The following FUS variants were observed in gnomAD, a reference collection of about 807,000 sequenced individuals.
FUS encodes the protein RNA-binding protein FUS.
Under a neutral mutation model 82.7 loss-of-function variants are expected in FUS, and 5 were observed. That is an observed-to-expected ratio of 0.06 (90% confidence interval 0.03 to 0.13). FUS has a LOEUF of 0.13. Ranked by LOEUF, FUS falls within the 10% of genes least tolerant of loss-of-function variation. The probability of loss-of-function intolerance (pLI) is 1.00; values close to 1 mark genes in which losing one functional copy is unlikely to be tolerated. For synonymous variants in FUS, 281 were observed against 247.4 expected (o/e 1.14, Z -1.27); for missense variants, 512 against 707.8 (o/e 0.72, Z 3.14).
At chr16:31,193,261 C>T (rs1363577435), downstream of FUS, 7 of 508,806 alleles carry the variant, frequency 1.4e-5, no homozygotes, top group Non-Finnish European at 7.7e-6. Context: ...CATTGGGGTG[C>T]TCTCTAAGCA....
At chr16:31,192,995 C>T (rs1326024845), downstream of FUS, 1 of 483,196 alleles carries the variant, frequency 2.1e-6, no homozygotes, top group Non-Finnish European at 4.1e-6. Flanking sequence ...GAGTTTTGCT[C>T]TTGTTGCCCA....
intron 5 of FUS, 91 bp from the exon 6 acceptor site, chr16:31,184,848 G>A: frequency 7.7e-7 from 1 of 1,304,378 alleles, no homozygotes; most frequent in Non-Finnish European, 1.1e-6. Context: ...GTCCTTCATT[G>A]CCTGGCACTT....
chr16:31,182,801 C>T (rs544082456), intron 3 of FUS, 137 bp downstream of exon 3: 37 of 1,069,556 alleles, frequency 3.5e-5, no homozygotes, highest in Non-Finnish European at 5.1e-5. Flanking sequence ...ACTGCAACAT[C>T]AGCCTACCGG....
At chr16:31,181,000 C>T (rs143668562) in intron 1 of FUS, among the ~76,000 whole-genome samples, 257 of 152,212 alleles carry the variant, frequency 1.7e-3, no homozygotes, top group African/African-American at 6.0e-3. Flanking sequence ...GCAACGTCCA[C>T]CTCCTGGGTT....
intron 7 of FUS, chr16:31,187,071 A>C (rs1289962098): frequency 3.4e-6 from 2 of 593,834 alleles, no homozygotes; most frequent in African/African-American, 1.9e-5. Context: ...CCAGGTTAAT[A>C]AGAGGGGTCT....
chr16:31,191,214 A>G lies in FUS; in HGVS notation c.1541+104A>G, dbSNP rs1277397462. The G allele has an allele frequency of 6.6e-6, 10 of 1,522,958 alleles. No individual in the cohort carries two copies. The East Asian group carries it at 1.6e-4, about 25-fold the overall frequency. The allele number at this position is 1,522,958 out of a possible 1,614,324, so 94.3% of individuals were successfully genotyped here. ...GTTTCATTTTGAGGGCTAGGTGGAAAGACCTGAGGTTGTAACCAGTAGTGG... is the reference window on the plus strand; with the variant it reads ...GTTTCATTTTGAGGGCTAGGTGGAAGGACCTGAGGTTGTAACCAGTAGTGG... On this transcript the variant is annotated intron_variant, in intron 14 of 14. Transcript: ENST00000254108.
chr16:31,191,134 A>C, intron 14 of FUS, 24 bp downstream of exon 14: 2 of 1,611,420 alleles, frequency 1.2e-6, no homozygotes, highest in South Asian at 1.1e-5. Context: ...TCAGAATAAA[A>C]AAGTAGAGCA....
At position 31,190,619 on chromosome 16, in the gene FUS, C is replaced by T. The variant is rs76910451; in HGVS notation, c.1293-123C>T. 495 of 1,178,556 alleles carry T rather than the reference C, an allele frequency of 4.2e-4. 4 individuals carry two copies. The African/African-American group carries it at 6.5e-3, about 16-fold the overall frequency. 73.0% of individuals were successfully genotyped at this position (1,178,556 alleles called of 1,614,324 possible). On this transcript the variant is annotated intron_variant, in intron 12 of 14. Transcript: ENST00000254108. ...TTGTTCCTGACTCTGAGAAGCAAGC[C>T]GTTTTGTCTTTCTGAAGCTTCAGTT...
chr16:31,186,405 A>G (rs2079270143), intron 6 of FUS: 1 of 380,656 alleles, frequency 2.6e-6, no homozygotes, highest in Non-Finnish European at 4.9e-6. Flanking sequence ...GTTCAAGGCT[A>G]CCCCAGCCTG....
chr16:31,180,779 C>T (rs995042609), intron 1 of FUS, among the ~76,000 whole-genome samples: 67 of 152,208 alleles, frequency 4.4e-4, no homozygotes, highest in Non-Finnish European at 7.6e-4. Context: ...CGCTCCGTTC[C>T]CGCCTGGGTT....
chr16:31,187,629 A>C (rs2144124243), intron 7 of FUS: 2 of 232,212 alleles, frequency 8.6e-6, no homozygotes, highest in East Asian at 1.2e-4. Flanking sequence ...GTGTGGGTTC[A>C]TGACTTAGGT....
At chr16:31,188,449 A>G (rs917410409) in intron 8 of FUS, 92 bp downstream of exon 8, 2 of 1,362,154 alleles carry the variant, frequency 1.5e-6, no homozygotes, top group African/African-American at 2.9e-5. Flanking sequence ...AAGGAAACTG[A>G]AAAAAATGGG....
chr16:31,189,023 A>G lies in FUS; in HGVS notation c.833-100A>G, dbSNP rs962896482. On this transcript the variant is annotated intron_variant, in intron 8 of 14. Transcript: ENST00000254108. ...CTTTTTAGTTGTCTTCCATAAACCA[A>G]ATGATACCAGTTGCTTGATGGATAC... The G allele has an allele frequency of 1.4e-5, 12 of 878,222 alleles. No homozygotes were observed. In the South Asian group the frequency reaches 1.6e-4, roughly 12 times the overall value. The allele number at this position is 878,222 out of a possible 1,614,324, so 54.4% of individuals were successfully genotyped here. A position where few individuals can be genotyped will look rare whatever the true frequency, so the allele number is the denominator to read the frequency against.
chr16:31,190,663 A>T (rs961282891), intron 12 of FUS, 79 bp from the exon 13 acceptor site: 1 of 1,373,090 alleles, frequency 7.3e-7, no homozygotes, highest in Non-Finnish European at 1.0e-6. Context: ...GTATCTCTAA[A>T]GTCACCGTAG....
intron 3 of FUS, 185 bp from the exon 4 acceptor site, chr16:31,183,673 G>C: frequency 1.4e-6 from 1 of 696,318 alleles, no homozygotes; most frequent in Non-Finnish European, 2.5e-6. Context: ...AGAGTTGGTA[G>C]AAGTTGAAGC....
intron 6 of FUS, chr16:31,185,466 A>C: frequency 1.5e-6 from 1 of 646,664 alleles, no homozygotes; most frequent in Non-Finnish European, 2.9e-6. Flanking sequence ...TGGAGTCATT[A>C]ATATCCTAGG....
chr16:31,180,698 C>G (rs1046865336), intron 1 of FUS, among the ~76,000 whole-genome samples: 1 of 152,200 alleles, frequency 6.6e-6, no homozygotes, highest in Non-Finnish European at 1.5e-5. Flanking sequence ...CGAGACCCTT[C>G]GCGGAAGACT....
downstream of FUS, chr16:31,193,433 C>G (rs781396966): frequency 1.1e-5 from 6 of 527,286 alleles, no homozygotes; most frequent in Middle Eastern, 5.2e-4. Context: ...TGGCCTGATA[C>G]GATATTTGAG....
chr16:31,189,987 C>G, intron 10 of FUS, 53 bp from the exon 11 acceptor site: 1 of 1,567,628 alleles, frequency 6.4e-7, no homozygotes, highest in Non-Finnish European at 8.7e-7. Context: ...CTTGTATTTT[C>G]GGATTAATGT....
Sources: gnomAD v4.1 joint callset for allele counts (sites outside exome capture counted in the v4.1 genomes callset) on GRCh38, gnomAD v4.1.1 for gene constraint, MANE v1.5 for transcripts, NCBI Gene and HGNC (gene_info 2026-07-23, HGNC 2026-07-21) for gene names.